Variants in SYTL5 observed in about 807,000 individuals in gnomAD.
SYTL5 encodes synaptotagmin like 5, also known as synaptotagmin-like protein 5.
SYTL5 carries 34 observed loss-of-function variants against 55.9 expected under a neutral mutation model. The ratio of observed to expected loss-of-function variants is 0.61; its 90% confidence interval spans 0.46 to 0.81. The LOEUF is 0.81. SYTL5 is among the 30% of genes least tolerant of loss of function. The probability of loss-of-function intolerance (pLI) is 0.00; values close to 1 mark genes in which losing one functional copy is unlikely to be tolerated. For missense variants in SYTL5, 637 were observed against 546.7 expected (o/e 1.17, Z -1.65); for synonymous variants, 221 against 188.7 (o/e 1.17, Z -1.40).
At chrX:38,100,820 G>C (rs763786450) in intron 9 of SYTL5, among the ~76,000 whole-genome samples, 2 of 111,096 alleles carry the variant, frequency 1.8e-5, no homozygotes. Flanking sequence ...ATATTCAAGT[G>C]TGTGAACATA....
At chrX:37,987,824 T>A in the SYTL5 span, among the ~76,000 whole-genome samples, 1 of 112,080 alleles carries the variant, frequency 8.9e-6, no homozygotes, top group East Asian at 2.8e-4. Context: ...CAGTGGGACA[T>A]CATCTGCCCC....
At chrX:37,892,340 G>A in the SYTL5 span, among the ~76,000 whole-genome samples, 2 of 106,573 alleles carry the variant, frequency 1.9e-5, no homozygotes, top group African/African-American at 6.8e-5. Flanking sequence ...ATATGTCAAA[G>A]GTTTTATTTA....
the SYTL5 span, among the ~76,000 whole-genome samples, chrX:37,902,234 A>G: frequency 8.9e-6 from 1 of 112,304 alleles, no homozygotes; most frequent in Non-Finnish European, 1.9e-5. Context: ...TGCCTCAGGC[A>G]GAGTGTACTT....
Position 38,041,383 on chromosome X carries a change from C to T in SYTL5, c.119+7375C>T, listed in dbSNP as rs530311535. On this transcript the variant is annotated intron_variant, in intron 2 of 16. Coordinates refer to ENST00000297875, the MANE Select transcript of SYTL5 (RefSeq NM_138780.3). Reference sequence around the variant, plus strand: ...ACCACTAAGAGCAAAATTAGTTTGACCTTCTCAAAAGCCTAAAGACTCATT... The same window carrying T: ...ACCACTAAGAGCAAAATTAGTTTGATCTTCTCAAAAGCCTAAAGACTCATT... Among the ~76,000 whole-genome samples, 4 of 112,202 alleles carry T rather than the reference C, an allele frequency of 3.6e-5. No homozygotes were observed. The East Asian group carries it at 8.4e-4, about 23-fold the overall frequency.
chrX:37,995,234 C>T, the SYTL5 span, among the ~76,000 whole-genome samples: 5 of 111,294 alleles, frequency 4.5e-5, no homozygotes, highest in Non-Finnish European at 9.4e-5. Context: ...GCTGCAGACT[C>T]TGACTGAGGT....
At position 38,061,876 on chromosome X, in the gene SYTL5, T is replaced by A. The variant is rs139737416; in HGVS notation, c.329+7454T>A. Among the ~76,000 whole-genome samples, 998 of 112,380 alleles carry A rather than the reference T, an allele frequency of 8.9e-3. 6 individuals are homozygous for A. The highest frequency in any genetic ancestry group is 0.046 in the Middle Eastern group (10 of 219). ...CAGTCCAACACAAAGACAGTCATAA[T>A]GATCATTTTTTCTAATTAGTACCCA... On this transcript the variant is annotated intron_variant, in intron 3 of 16. Coordinates refer to ENST00000297875, the MANE Select transcript of SYTL5 (RefSeq NM_138780.3).
At chrX:37,964,426 C>T in the SYTL5 span, among the ~76,000 whole-genome samples, 1 of 112,179 alleles carries the variant, frequency 8.9e-6, no homozygotes, top group African/African-American at 3.2e-5. Flanking sequence ...ACCATCCTTA[C>T]ATCCCAGGGA....
intron 3 of SYTL5, among the ~76,000 whole-genome samples, chrX:38,070,123 A>G (rs974046882): frequency 2.2e-4 from 25 of 111,671 alleles, no homozygotes; most frequent in African/African-American, 7.5e-4. Flanking sequence ...CAGTAGTGGA[A>G]TGGTGTTTCA....
At chrX:38,097,754 T>A (rs1048637939) in intron 9 of SYTL5, among the ~76,000 whole-genome samples, 8 of 109,654 alleles carry the variant, frequency 7.3e-5, no homozygotes, top group Non-Finnish European at 1.5e-4. Context: ...ACAAAATCAA[T>A]TTTAAAGAGC....
At chrX:38,004,005 T>C (rs779763258), upstream of SYTL5, among the ~76,000 whole-genome samples, 7 of 112,356 alleles carry the variant, frequency 6.2e-5, no homozygotes, top group Non-Finnish European at 1.3e-4. Flanking sequence ...GAAATGTCTA[T>C]TGAGATCCCC....
chrX:37,903,191 C>G, the SYTL5 span, among the ~76,000 whole-genome samples: 2 of 110,857 alleles, frequency 1.8e-5, no homozygotes, highest in Non-Finnish European at 3.8e-5. Context: ...CCCGCCATCC[C>G]ATTACTGGGT....
the SYTL5 span, among the ~76,000 whole-genome samples, chrX:37,905,973 C>G: frequency 1.8e-5 from 2 of 113,333 alleles, no homozygotes; most frequent in Non-Finnish European, 1.9e-5. Context: ...GGGAGAGGGG[C>G]GCACAGCGCC....
chrX:37,961,867 C>T, the SYTL5 span, among the ~76,000 whole-genome samples: 15 of 111,677 alleles, frequency 1.3e-4, 1 homozygote, highest in East Asian at 4.2e-3. Context: ...CTCACTTAAT[C>T]TTTCTAATGC....
Position 38,076,700 on chromosome X carries a change from AG to A in SYTL5, c.689+1del. 2.5e-6 allele frequency: 3 copies of A among 1,209,756 alleles called. No individual in the cohort carries two copies. Among genetic ancestry groups the A allele is most frequent in the Non-Finnish European group, 2.2e-6 (2 of 894,499 alleles). On this transcript the variant is annotated frameshift_variant and splice_region_variant, in exon 6 of 17. Coordinates refer to ENST00000297875, the MANE Select transcript of SYTL5 (RefSeq NM_138780.3). LOFTEE classifies it high-confidence loss of function. Reference sequence around the variant, plus strand: ...TTTAAAATCACCTCCTGGTTCAGACAGGTAAGAGTCATACAGATTGAGCAAT... The same window carrying A: ...TTTAAAATCACCTCCTGGTTCAGACAGTAAGAGTCATACAGATTGAGCAAT... ...RSLKSPPGSD[R>X]GSTGSSDLND...
At chrX:38,070,653 C>CTATTGAA (rs1441374161) in intron 3 of SYTL5, among the ~76,000 whole-genome samples, 274 of 111,337 alleles carry the variant, frequency 2.5e-3, no homozygotes, top group African/African-American at 8.7e-3. Flanking sequence ...TACCTTTTAA[C>CTATTGAA]TCCAGTTTTC....
chrX:37,956,428 G>A, the SYTL5 span, among the ~76,000 whole-genome samples: 10 of 112,192 alleles, frequency 8.9e-5, no homozygotes, highest in African/African-American at 3.2e-4. Flanking sequence ...ACTTTGTACC[G>A]ATTGAATAGC....
the SYTL5 span, among the ~76,000 whole-genome samples, chrX:37,960,429 C>T: frequency 1.8e-5 from 2 of 112,167 alleles, no homozygotes; most frequent in Non-Finnish European, 3.8e-5. Flanking sequence ...TTGCTGCTTT[C>T]GTATATGTTC....
the SYTL5 span, among the ~76,000 whole-genome samples, chrX:37,950,847 AT>A: frequency 9.0e-6 from 1 of 111,459 alleles, no homozygotes; most frequent in East Asian, 2.8e-4. Flanking sequence ...ATATGTGTTC[AT>A]TTTAAGGTAT....
At chrX:37,995,388 G>A in the SYTL5 span, among the ~76,000 whole-genome samples, 11 of 111,989 alleles carry the variant, frequency 9.8e-5, no homozygotes, top group Non-Finnish European at 1.9e-4. Context: ...TGTCCTTAGG[G>A]CTATTTGGGA....
Sources: gnomAD v4.1 joint callset for allele counts (sites outside exome capture counted in the v4.1 genomes callset) on GRCh38, gnomAD v4.1.1 for gene constraint, MANE v1.5 for transcripts, NCBI Gene and HGNC (gene_info 2026-07-23, HGNC 2026-07-21) for gene names.